CMTM8: variants seen among roughly 807,000 people sequenced by gnomAD.
CMTM8 encodes CKLF like MARVEL transmembrane domain containing 8, also known as CKLF-like MARVEL transmembrane domain-containing protein 8.
A neutral mutation model predicts 18.6 loss-of-function variants in CMTM8; 12 were observed. That is an observed-to-expected ratio of 0.65 (90% CI 0.41 to 1.05). The LOEUF (loss-of-function observed/expected upper bound fraction) is 1.05. Ranked by LOEUF, CMTM8 falls within the 50% of genes least tolerant of loss-of-function variation. The pLI is 0.00. For missense variants in CMTM8, 217 were observed against 227.2 expected, an observed-to-expected ratio of 0.95 and a Z score of 0.29; for synonymous variants, 87 against 90.6, an observed-to-expected ratio of 0.96 and a Z score of 0.23.
intron 1 of CMTM8, among the ~76,000 whole-genome samples, chr3:32,336,269 C>T (rs1446920802): frequency 6.6e-6 from 1 of 152,176 alleles, no homozygotes; most frequent in African/African-American, 2.4e-5. Context: ...TGGAGCTATC[C>T]CAAGTAAAGC....
intron 1 of CMTM8, among the ~76,000 whole-genome samples, chr3:32,316,951 C>T (rs992982208): frequency 2.0e-5 from 3 of 152,174 alleles, no homozygotes; most frequent in African/African-American, 4.8e-5. Flanking sequence ...GACAAGCCAG[C>T]GTTTGGAAAT....
At chr3:32,285,523 A>T (rs993453633) in intron 1 of CMTM8, among the ~76,000 whole-genome samples, 1 of 114,826 alleles carries the variant, frequency 8.7e-6, no homozygotes, top group African/African-American at 2.8e-5. Context: ...AAAAAAAAAA[A>T]AAATTAAATT....
Position 32,299,696 on chromosome 3 carries a change from A to C in CMTM8, c.148-57677A>C, listed in dbSNP as rs138958341. ...ATCATTGACGGTAGTCTTCAAGAAA[A>C]ATGTACTTGAAACTTAGAAAAAAGT... On this transcript the variant is annotated intron_variant, in intron 1 of 3. Transcript: ENST00000307526. Among the ~76,000 whole-genome samples, 456 of 152,314 alleles carry C rather than the reference A, an allele frequency of 3.0e-3. 8 individuals are homozygous for C. Among genetic ancestry groups the C allele is most frequent in the Non-Finnish European group, 3.9e-3 (264 of 68,024 alleles).
intron 1 of CMTM8, among the ~76,000 whole-genome samples, chr3:32,244,855 A>G (rs1701989927): frequency 6.6e-6 from 1 of 152,242 alleles, no homozygotes; most frequent in Non-Finnish European, 1.5e-5. Context: ...TAAAGGGTAT[A>G]TAAATCTAAG....
At chr3:32,290,410 G>C (rs1388728043) in intron 1 of CMTM8, among the ~76,000 whole-genome samples, 1 of 152,210 alleles carries the variant, frequency 6.6e-6, no homozygotes, top group Non-Finnish European at 1.5e-5. Flanking sequence ...TAAGATGTCA[G>C]TTCCTAAATA....
chr3:32,352,940 C>T (rs193232532), intron 1 of CMTM8, among the ~76,000 whole-genome samples: 50 of 151,640 alleles, frequency 3.3e-4, no homozygotes, highest in African/African-American at 1.1e-3. Flanking sequence ...GGTGAAGGTG[C>T]AAAAGCATGC....
At chr3:32,367,658 C>T (rs867151629) in intron 2 of CMTM8, among the ~76,000 whole-genome samples, 1 of 152,084 alleles carries the variant, frequency 6.6e-6, no homozygotes, top group Non-Finnish European at 1.5e-5. Context: ...CTCAGTGTCT[C>T]GTGGGGGCAG....
At chr3:32,353,959 A>G (rs1696762695) in intron 1 of CMTM8, among the ~76,000 whole-genome samples, 1 of 151,644 alleles carries the variant, frequency 6.6e-6, no homozygotes. Context: ...TAATTTTTGT[A>G]TTTTTAGTAG....
chr3:32,325,486 C>T (rs1696132161), intron 1 of CMTM8, among the ~76,000 whole-genome samples: 1 of 152,174 alleles, frequency 6.6e-6, no homozygotes, highest in South Asian at 2.1e-4. Flanking sequence ...TCACAGTAGG[C>T]ATCTAAATTA....
intron 1 of CMTM8, among the ~76,000 whole-genome samples, chr3:32,279,167 A>ATT (rs10671462): frequency 0.49 from 71,272 of 146,722 alleles, 18,413 homozygotes; most frequent in East Asian, 0.85. Flanking sequence ...ATAATTAGTG[A>ATT]TTTTTTTTTT....
At chr3:32,357,018 A>G (rs949104200) in intron 1 of CMTM8, among the ~76,000 whole-genome samples, 26 of 152,162 alleles carry the variant, frequency 1.7e-4, no homozygotes, top group African/African-American at 4.1e-4. Flanking sequence ...TTGTAGGCAC[A>G]TGAGTTTGCA....
chr3:32,362,837 C>A (rs1403588466), intron 2 of CMTM8, among the ~76,000 whole-genome samples: 1 of 152,192 alleles, frequency 6.6e-6, no homozygotes, highest in Admixed American at 6.5e-5. Context: ...GCCAGCCTGC[C>A]TGAACCTACA....
chr3:32,296,846 C>T (rs1702887549), intron 1 of CMTM8, among the ~76,000 whole-genome samples: 1 of 152,160 alleles, frequency 6.6e-6, no homozygotes, highest in South Asian at 2.1e-4. Context: ...AAAACCAGGG[C>T]GGCAGACTGT....
chr3:32,328,474 T>G (rs1207744753), intron 1 of CMTM8, among the ~76,000 whole-genome samples: 1 of 55,288 alleles, frequency 1.8e-5, no homozygotes, highest in Non-Finnish European at 5.0e-5. Context: ...TGCAGTGAGC[T>G]CTGATCGTGC....
In CMTM8 at chr3:32,356,805, TG is replaced by T. The variant is rs138345686; in HGVS notation, c.148-566del. ...GCCATGGATGTTGTTTCTCACCAAGTGGTGTTTTAAAACCCCTGATTAGTAC... is the reference window on the plus strand; with the variant it reads ...GCCATGGATGTTGTTTCTCACCAAGTGTGTTTTAAAACCCCTGATTAGTAC... On this transcript the variant is annotated intron_variant, in intron 1 of 3. Transcript: ENST00000307526. Among the ~76,000 whole-genome samples the T allele has an allele frequency of 4.0e-3, 608 of 152,344 alleles. 2 individuals carry two copies. The highest frequency in any genetic ancestry group is 0.014 in the African/African-American group (584 of 41,584).
At chr3:32,334,342 C>T (rs1460530321) in intron 1 of CMTM8, among the ~76,000 whole-genome samples, 4 of 151,852 alleles carry the variant, frequency 2.6e-5, no homozygotes, top group Admixed American at 1.3e-4. Context: ...CGTGGTGGCT[C>T]ACGCCTGTAA....
chr3:32,262,317 G>A (rs2125538137), intron 1 of CMTM8, among the ~76,000 whole-genome samples: 1 of 152,326 alleles, frequency 6.6e-6, no homozygotes, highest in Non-Finnish European at 1.5e-5. Flanking sequence ...CCATGGCATT[G>A]TCTTTTTCCT....
At chr3:32,261,127 C>T (rs1702251678) in intron 1 of CMTM8, among the ~76,000 whole-genome samples, 1 of 148,576 alleles carries the variant, frequency 6.7e-6, no homozygotes, top group Non-Finnish European at 1.5e-5. Context: ...GAGGCTGAGG[C>T]AGGAGGATTG....
At chr3:32,353,952 T>G (rs1696762625) in intron 1 of CMTM8, among the ~76,000 whole-genome samples, 1 of 151,872 alleles carries the variant, frequency 6.6e-6, no homozygotes, top group Non-Finnish European at 1.5e-5. Flanking sequence ...GCCCAGCTAA[T>G]TTTTGTATTT....
Sources: allele counts gnomAD v4.1 joint callset (sites outside exome capture counted in the v4.1 genomes callset), GRCh38; gene constraint gnomAD v4.1.1; transcripts MANE v1.5; gene names NCBI Gene and HGNC (gene_info 2026-07-23, HGNC 2026-07-21).